KCNK2: variants seen among roughly 807,000 people sequenced by gnomAD.
KCNK2 encodes potassium two pore domain channel subfamily K member 2.
In KCNK2, 21 loss-of-function variants were observed where a neutral mutation model predicts 40.5. The observed-to-expected ratio is 0.52, with a 90% CI of 0.37 to 0.75. The LOEUF is 0.75. Ranked by LOEUF, KCNK2 falls within the 30% of genes least tolerant of loss-of-function variation. KCNK2 has a pLI of 0.00. For missense variants in KCNK2, 399 were observed against 531.6 expected, an observed-to-expected ratio of 0.75 and a Z score of 2.45; for synonymous variants, 191 against 202.2, an observed-to-expected ratio of 0.94 and a Z score of 0.47.
At position 215,230,004 on chromosome 1, in the gene KCNK2, GCA is replaced by G. The variant is rs554769217; in HGVS notation, c.964-4815_964-4814del. Among the ~76,000 whole-genome samples the G allele has an allele frequency of 1.4e-3, 203 of 144,298 alleles. 1 individual carries two copies. Among genetic ancestry groups the G allele is most frequent in the Middle Eastern group, 7.6e-3 (2 of 264 alleles). 94.7% of individuals were successfully genotyped at this position (144,298 alleles called of 152,430 possible). A position where few individuals can be genotyped will look rare whatever the true frequency, so the allele number is the denominator to read the frequency against. On this transcript the variant is annotated intron_variant, in intron 6 of 6. Transcript: ENST00000444842. ...ATATTTTGAGAACACACACAGATAT[GCA>G]CACACACAGATTATATATATATATA...
chr1:215,227,618 C>T (rs1034897276), intron 6 of KCNK2, among the ~76,000 whole-genome samples: 1 of 151,962 alleles, frequency 6.6e-6, no homozygotes, highest in African/African-American at 2.4e-5. Context: ...AGTACTAGGT[C>T]GATTTGTGTT....
chr1:215,118,370 A>G (rs1369620132), intron 2 of KCNK2, among the ~76,000 whole-genome samples: 2 of 152,192 alleles, frequency 1.3e-5, no homozygotes, highest in East Asian at 3.9e-4. Context: ...ATCTCCCCAC[A>G]AAGTCTTTTG....
At chr1:215,057,404 C>T (rs1050110368) in intron 1 of KCNK2, among the ~76,000 whole-genome samples, 3 of 152,114 alleles carry the variant, frequency 2.0e-5, no homozygotes, top group Non-Finnish European at 2.9e-5. Flanking sequence ...GGAGTAGAGT[C>T]TCTGCAAACA....
chr1:215,145,098 T>C (rs181837930), intron 3 of KCNK2, among the ~76,000 whole-genome samples: 1 of 152,266 alleles, frequency 6.6e-6, no homozygotes, highest in East Asian at 1.9e-4. Flanking sequence ...AGTGCTATCA[T>C]CATTAGCATC....
At chr1:215,199,953 G>A (rs1665015932) in intron 6 of KCNK2, among the ~76,000 whole-genome samples, 1 of 152,084 alleles carries the variant, frequency 6.6e-6, no homozygotes, top group Admixed American at 6.5e-5. Context: ...CCCAAGCACC[G>A]GTGTTTGGGT....
chr1:215,025,195 A>G (rs1014058815), intron 1 of KCNK2, among the ~76,000 whole-genome samples: 1 of 151,998 alleles, frequency 6.6e-6, no homozygotes, highest in African/African-American at 2.4e-5. Context: ...AAATGAGGAT[A>G]ATATTTTCAA....
upstream of KCNK2, chr1:215,005,831 C>T: frequency 1.7e-6 from 2 of 1,158,194 alleles, no homozygotes; most frequent in Non-Finnish European, 2.6e-6. Context: ...GTACAAGTGA[C>T]TCTGTTTTGG....
chr1:215,041,356 T>C (rs1657555161), intron 1 of KCNK2, among the ~76,000 whole-genome samples: 3 of 152,306 alleles, frequency 2.0e-5, no homozygotes, highest in Admixed American at 2.0e-4. Flanking sequence ...GAGTGCCTGG[T>C]ACATAGTATG....
chr1:215,185,931 A>G (rs1664415174), intron 5 of KCNK2, among the ~76,000 whole-genome samples: 1 of 152,196 alleles, frequency 6.6e-6, no homozygotes, highest in Non-Finnish European at 1.5e-5. Context: ...TTAAAGGAAA[A>G]GAAGTATATT....
chr1:215,164,099 T>C (rs1318062286), intron 3 of KCNK2, among the ~76,000 whole-genome samples: 1 of 152,178 alleles, frequency 6.6e-6, no homozygotes, highest in African/African-American at 2.4e-5. Context: ...ATTTCAGAAC[T>C]TATTATTGGT....
rs780555489 is a variant in KCNK2, at chr1:215,172,098, A to G, written c.738A>G (p.Lys246=). The stretch of plus-strand genomic sequence containing the variant: ...TGGCTCTGCCTGCGATCATATTCAA[A>G]CACATAGAAGGCTGGAGTGCCCTGG... ...LFVALPAIIF[K]HIEGWSALDA... is the part of the protein sequence containing the mutation. Residue 246 remains lysine (K), a synonymous_variant, in exon 5 of 7, where the codon AAA becomes AAG. Transcript: ENST00000444842. 3 of 1,613,550 alleles carry G rather than the reference A, an allele frequency of 1.9e-6. No individual in the cohort carries two copies. The highest frequency in any genetic ancestry group is 2.5e-6 in the Non-Finnish European group (3 of 1,179,718).
In KCNK2 at chr1:215,047,856, G is replaced by A. The variant is rs74626646; in HGVS notation, c.35-38512G>A. Among the ~76,000 whole-genome samples the A allele has an allele frequency of 1.3e-3, 196 of 152,194 alleles. No individual in the cohort carries two copies. In the East Asian group the frequency reaches 0.016, roughly 12 times the overall value. ...CTATAGATAGAACTCTGTGAATAGC[G>A]GTTAGATCTGTATCAAGGGAGGCAA... On this transcript the variant is annotated intron_variant, in intron 1 of 6. Transcript: ENST00000391895.
intron 3 of KCNK2, among the ~76,000 whole-genome samples, chr1:215,148,555 T>G (rs931424272): frequency 1.3e-5 from 2 of 152,182 alleles, no homozygotes; most frequent in East Asian, 3.8e-4. Flanking sequence ...GATTGCTCTT[T>G]TCAATTCAGC....
intron 1 of KCNK2, among the ~76,000 whole-genome samples, chr1:215,066,586 C>T (rs1451084654): frequency 6.6e-6 from 1 of 152,178 alleles, no homozygotes; most frequent in Non-Finnish European, 1.5e-5. Context: ...TTTGGACCAG[C>T]CTGCCTGGTA....
chr1:215,129,520 G>T (rs1227170831), intron 3 of KCNK2, among the ~76,000 whole-genome samples: 1 of 152,154 alleles, frequency 6.6e-6, no homozygotes, highest in Admixed American at 6.5e-5. Context: ...GCTGATTCAA[G>T]AACTCTCTGA....
intron 1 of KCNK2, among the ~76,000 whole-genome samples, chr1:215,039,799 A>G (rs1657504536): frequency 6.6e-6 from 1 of 152,034 alleles, no homozygotes; most frequent in East Asian, 1.9e-4. Flanking sequence ...ATAATTTTTT[A>G]TTTACATCCT....
chr1:215,092,878 C>T (rs987091023), intron 2 of KCNK2, among the ~76,000 whole-genome samples: 2 of 152,110 alleles, frequency 1.3e-5, no homozygotes, highest in African/African-American at 4.8e-5. Context: ...TCTTGGTTAT[C>T]GTGTCTCATG....
chr1:215,190,110 T>C (rs1471939773), intron 5 of KCNK2, among the ~76,000 whole-genome samples: 3 of 152,228 alleles, frequency 2.0e-5, no homozygotes, highest in Non-Finnish European at 2.9e-5. Context: ...ATCTTTTTTC[T>C]TCCTTCCTAA....
chr1:215,193,702 C>A (rs1664755531), intron 5 of KCNK2, among the ~76,000 whole-genome samples: 1 of 152,158 alleles, frequency 6.6e-6, no homozygotes, highest in Non-Finnish European at 1.5e-5. Flanking sequence ...TGGAGATAGT[C>A]AAACACGAAT....
Sources: allele counts gnomAD v4.1 joint callset (sites outside exome capture counted in the v4.1 genomes callset), GRCh38; gene constraint gnomAD v4.1.1; transcripts MANE v1.5; gene names NCBI Gene and HGNC (gene_info 2026-07-23, HGNC 2026-07-21).